WASF3: variants seen among roughly 807,000 people sequenced by gnomAD.
WASF3 encodes actin-binding protein WASF3.
WASF3 carries 11 observed loss-of-function variants against 46.6 expected under a neutral mutation model. The ratio of observed to expected loss-of-function variants is 0.24; its 90% CI spans 0.15 to 0.39. WASF3 has a LOEUF of 0.39. WASF3 is among the 10% of genes least tolerant of loss of function. The pLI is 1.00. For missense variants in WASF3, 576 were observed against 669.8 expected (o/e 0.86, Z 1.55); for synonymous variants, 242 against 259.7 (o/e 0.93, Z 0.65).
chr13:26,573,612 T>G (rs1879703455), intron 1 of WASF3, among the ~76,000 whole-genome samples: 1 of 152,208 alleles, frequency 6.6e-6, no homozygotes, highest in Non-Finnish European at 1.5e-5. Flanking sequence ...GTTGTATAAA[T>G]TTTTAGGTGG....
chr13:26,665,700 T>C (rs892822618), intron 4 of WASF3, among the ~76,000 whole-genome samples: 1 of 152,212 alleles, frequency 6.6e-6, no homozygotes, highest in African/African-American at 2.4e-5. Flanking sequence ...CGACAAGCAT[T>C]GTATAGTTAA....
intron 3 of WASF3, among the ~76,000 whole-genome samples, chr13:26,650,320 C>G (rs1882277978): frequency 6.6e-6 from 1 of 152,112 alleles, no homozygotes; most frequent in Non-Finnish European, 1.5e-5. Flanking sequence ...TTTCACTGCC[C>G]CTCACCCGAC....
chr13:26,672,394 A>G (rs1287570904), intron 6 of WASF3, among the ~76,000 whole-genome samples: 1 of 152,190 alleles, frequency 6.6e-6, no homozygotes, highest in Non-Finnish European at 1.5e-5. Context: ...AATCTTGGGA[A>G]GATGTTCACA....
intron 2 of WASF3, among the ~76,000 whole-genome samples, chr13:26,631,895 G>A (rs549719019): frequency 6.6e-6 from 1 of 152,300 alleles, no homozygotes; most frequent in Non-Finnish European, 1.5e-5. Context: ...CACGTCCCTT[G>A]TAAGTTGGAT....
rs565750622 is a variant in WASF3, at chr13:26,663,133, G to A, written c.134-1895G>A. The stretch of plus-strand genomic sequence containing the variant: ...GGTGTTGAGTTAGCCGTAGAGAGAG[G>A]GAGCTGTCACAATGACACCATTTCT... On this transcript the variant is annotated intron_variant, in intron 3 of 9. Transcript: ENST00000335327. Among the ~76,000 whole-genome samples, 43 of 152,272 alleles carry A rather than the reference G, an allele frequency of 2.8e-4. No homozygotes were observed. The South Asian group carries it at 3.3e-3, about 12-fold the overall frequency.
At chr13:26,600,092 G>A (rs1046515232) in intron 1 of WASF3, among the ~76,000 whole-genome samples, 3 of 152,182 alleles carry the variant, frequency 2.0e-5, no homozygotes, top group African/African-American at 7.2e-5. Context: ...ACTTCCCAGG[G>A]CTTGAGTGGT....
chr13:26,565,995 G>T (rs894792418), intron 1 of WASF3, among the ~76,000 whole-genome samples: 1 of 152,146 alleles, frequency 6.6e-6, no homozygotes, highest in Non-Finnish European at 1.5e-5. Context: ...TAGGGATTAG[G>T]CACCGAAGAG....
rs538442842 is a variant in WASF3, at chr13:26,577,083, G to A, written c.-109+19264G>A. ...CATCTGATGGCCTCAAGGGTCATGT[G>A]TTTGAAGTGAGTCTTGCTGATTTGC... On this transcript the variant is annotated intron_variant, in intron 1 of 9. Transcript: ENST00000335327. 2.0e-4 allele frequency: 156 copies of A among 773,794 alleles called. 1 individual carries two copies. Among genetic ancestry groups the A allele is most frequent in the Middle Eastern group, 1.8e-3 (5 of 2,726 alleles). 47.9% of individuals were successfully genotyped at this position (773,794 alleles called of 1,614,324 possible).
chr13:26,571,257 T>G (rs890395731), intron 1 of WASF3, among the ~76,000 whole-genome samples: 1 of 145,996 alleles, frequency 6.8e-6, no homozygotes, highest in Non-Finnish European at 1.5e-5. Flanking sequence ...AATATCTTCA[T>G]GTAGTCAGAT....
At chr13:26,627,906 T>TAA (rs200236144) in intron 2 of WASF3, among the ~76,000 whole-genome samples, 1 of 143,012 alleles carries the variant, frequency 7.0e-6, no homozygotes, top group African/African-American at 2.6e-5. Context: ...AAAAAAACCC[T>TAA]AAAAATAAAA....
intron 1 of WASF3, among the ~76,000 whole-genome samples, chr13:26,603,147 A>G (rs1201368966): frequency 6.6e-6 from 1 of 152,206 alleles, no homozygotes; most frequent in African/African-American, 2.4e-5. Flanking sequence ...AGCTGCAGGT[A>G]TAAGCTGAAG....
rs142996730 is a variant in WASF3 at position 26,576,615 on chromosome 13, A to G, written c.-109+18796A>G. Among the ~76,000 whole-genome samples the G allele has an allele frequency of 5.6e-3, 858 of 152,312 alleles. 9 individuals are homozygous for G. The highest frequency in any genetic ancestry group is 0.02 in the African/African-American group (815 of 41,560). The stretch of plus-strand genomic sequence containing the variant: ...TGCTTATGTAACTTATGTACTTACT[A>G]TCTCAAAAAAGGTCTAAGTCAGTGG... On this transcript the variant is annotated intron_variant, in intron 1 of 9. Transcript: ENST00000335327.
At chr13:26,630,916 A>T (rs963736466) in intron 2 of WASF3, among the ~76,000 whole-genome samples, 20 of 152,276 alleles carry the variant, frequency 1.3e-4, no homozygotes, top group African/African-American at 4.6e-4. Flanking sequence ...GCCAGTGATG[A>T]TGAGCATTTT....
chr13:26,598,760 T>C (rs917085272), intron 1 of WASF3, among the ~76,000 whole-genome samples: 1 of 152,228 alleles, frequency 6.6e-6, no homozygotes, highest in Non-Finnish European at 1.5e-5. Flanking sequence ...TTCTCTTTGT[T>C]TTATAGCTTG....
the WASF3 span, among the ~76,000 whole-genome samples, chr13:26,541,250 G>A: frequency 6.6e-6 from 1 of 152,136 alleles, no homozygotes. Context: ...GGCTGCAGCT[G>A]AGTCCCAACG....
chr13:26,599,271 C>T (rs1483905355), intron 1 of WASF3, among the ~76,000 whole-genome samples: 1 of 149,734 alleles, frequency 6.7e-6, no homozygotes, highest in Non-Finnish European at 1.5e-5. Flanking sequence ...CAACCTCTGC[C>T]TCCTGAGTTC....
intron 3 of WASF3, among the ~76,000 whole-genome samples, chr13:26,652,179 T>C (rs1349195037): frequency 6.6e-6 from 1 of 152,182 alleles, no homozygotes; most frequent in East Asian, 1.9e-4. Flanking sequence ...ATGAAGACAC[T>C]GATTTAAGGA....
At chr13:26,677,607 A>G (rs572603323) in intron 7 of WASF3, among the ~76,000 whole-genome samples, 1 of 152,172 alleles carries the variant, frequency 6.6e-6, no homozygotes, top group East Asian at 1.9e-4. Context: ...CAATGTTCCC[A>G]CCCCAGAAGG....
intron 1 of WASF3, among the ~76,000 whole-genome samples, chr13:26,561,682 A>C (rs1879299951): frequency 6.6e-6 from 1 of 152,222 alleles, no homozygotes; most frequent in Non-Finnish European, 1.5e-5. Context: ...TGTTGAGGAA[A>C]ACACATAGTT....
Sources: allele counts gnomAD v4.1 joint callset (sites outside exome capture counted in the v4.1 genomes callset), GRCh38; gene constraint gnomAD v4.1.1; transcripts MANE v1.5; gene names NCBI Gene and HGNC (gene_info 2026-07-23, HGNC 2026-07-21).